NT5DC3: variants seen among roughly 807,000 people sequenced by gnomAD.
NT5DC3 encodes 5'-nucleotidase domain-containing protein 3.
Under a neutral mutation model 67.8 loss-of-function variants are expected in NT5DC3, and 42 were observed. The ratio of observed to expected loss-of-function variants is 0.62; its 90% CI spans 0.48 to 0.80. The LOEUF is 0.80. Among genes scored for constraint, NT5DC3 ranks in the 30% least tolerant of loss-of-function variants. The pLI is 0.00. For synonymous variants in NT5DC3, 237 were observed against 255.6 expected (o/e 0.93, Z 0.69); for missense variants, 570 against 696.4 (o/e 0.82, Z 2.04).
chr12:103,761,385 CTT>C, the NT5DC3 span: 1 of 1,613,778 alleles, frequency 6.2e-7, no homozygotes, highest in Non-Finnish European at 8.5e-7. Context: ...ATTTCCAGGC[CTT>C]TAAAAGCACC....
At chr12:103,762,267 T>C in the NT5DC3 span, 8 of 1,613,466 alleles carry the variant, frequency 5.0e-6, no homozygotes, top group Non-Finnish European at 8.5e-7. Context: ...CCTTTCTTTG[T>C]GTTCAGACCT....
At chr12:103,751,260 T>C in the NT5DC3 span, among the ~76,000 whole-genome samples, 2 of 152,124 alleles carry the variant, frequency 1.3e-5, no homozygotes, top group African/African-American at 4.8e-5. Context: ...TAGCAAGCCA[T>C]TTCTGCTGGC....
At position 103,773,436 on chromosome 12, in the gene NT5DC3, C is replaced by T. The variant is rs1280779163; in HGVS notation, c.*4393G>A. ...CTAGCAGTGTCAAAGGTTAGCTGAACTTTGAGCTAAGCTCCTAAATGACAC... is the reference window on the plus strand; with the variant it reads ...CTAGCAGTGTCAAAGGTTAGCTGAATTTTGAGCTAAGCTCCTAAATGACAC... On this transcript the variant is annotated 3_prime_UTR_variant, in exon 14 of 14. Transcript: ENST00000392876. The T allele has an allele frequency of 1.1e-4, 17 of 152,162 alleles. No homozygotes were observed. The highest frequency in any genetic ancestry group is 3.3e-4 in the Admixed American group (5 of 15,286). 9.4% of individuals were successfully genotyped at this position (152,162 alleles called of 1,614,324 possible). A position where few individuals can be genotyped will look rare whatever the true frequency, so the allele number is the denominator to read the frequency against.
At chr12:103,750,621 G>T in the NT5DC3 span, 2 of 1,614,218 alleles carry the variant, frequency 1.2e-6, no homozygotes, top group Non-Finnish European at 1.7e-6. Context: ...TGTCGGAGAT[G>T]GGCTGAACTG....
chr12:103,798,234 C>T (rs1476622070), intron 5 of NT5DC3, among the ~76,000 whole-genome samples: 2 of 152,116 alleles, frequency 1.3e-5, no homozygotes, highest in African/African-American at 4.8e-5. Flanking sequence ...GGCTGTGTAG[C>T]CATCAACTCT....
At chr12:103,756,103 C>T in the NT5DC3 span, among the ~76,000 whole-genome samples, 166 of 152,314 alleles carry the variant, frequency 1.1e-3, 1 homozygote, top group Middle Eastern at 3.4e-3. Flanking sequence ...ATGGTCTACA[C>T]AAATGAGACA....
chr12:103,749,696 C>T, the NT5DC3 span, among the ~76,000 whole-genome samples: 1 of 150,906 alleles, frequency 6.6e-6, no homozygotes, highest in Non-Finnish European at 1.5e-5. Flanking sequence ...AAAAATTAGC[C>T]GGGCATGGTG....
the NT5DC3 span, chr12:103,755,791 G>A: frequency 7.0e-7 from 1 of 1,424,736 alleles, no homozygotes; most frequent in East Asian, 2.3e-5. Flanking sequence ...GAGGGGTGAG[G>A]CCTTAAGCTG....
intron 9 of NT5DC3, 58 bp downstream of exon 9, chr12:103,793,106 T>C: frequency 1.7e-6 from 2 of 1,174,604 alleles, no homozygotes; most frequent in Admixed American, 2.1e-5. Context: ...ACACACCATC[T>C]ATATATTCAC....
At chr12:103,755,308 T>C in the NT5DC3 span, 2 of 1,614,006 alleles carry the variant, frequency 1.2e-6, no homozygotes, top group Non-Finnish European at 1.7e-6. Flanking sequence ...GCAGGCCAAG[T>C]ACCACCTGTG....
chr12:103,835,019 C>T (rs919997626), intron 1 of NT5DC3, among the ~76,000 whole-genome samples: 12 of 152,304 alleles, frequency 7.9e-5, no homozygotes, highest in Non-Finnish European at 1.3e-4. Flanking sequence ...CATCCCTGAG[C>T]CCCTGGGCCT....
At chr12:103,787,719 A>T (rs1885856873) in intron 10 of NT5DC3, among the ~76,000 whole-genome samples, 192 bp from the exon 11 acceptor site, 1 of 152,242 alleles carries the variant, frequency 6.6e-6, no homozygotes, top group Non-Finnish European at 1.5e-5. Context: ...GATTTATATT[A>T]TATACACCTC....
At position 103,787,423 on chromosome 12, in the gene NT5DC3, G is replaced by GA; in HGVS notation, c.1188+17dup. On this transcript the variant is annotated intron_variant, in intron 11 of 13. Transcript: ENST00000392876. ...CTAACACATCTGTCCCCCAACAAAGGAAAAAAGGGCCCCTCACCGCCAGGT... is the reference window on the plus strand; with the variant it reads ...CTAACACATCTGTCCCCCAACAAAGGAAAAAAAGGGCCCCTCACCGCCAGGT... 3 of 1,434,078 alleles carry GA rather than the reference G, an allele frequency of 2.1e-6. No homozygotes were observed. The highest frequency in any genetic ancestry group is 1.5e-5 in the South Asian group (1 of 68,398). The allele number at this position is 1,434,078 out of a possible 1,614,324, so 88.8% of individuals were successfully genotyped here.
In NT5DC3 at chr12:103,777,807, AG is replaced by A. The variant is rs1378387788; in HGVS notation, c.*21del. 1 of 1,596,896 alleles carries A rather than the reference AG, an allele frequency of 6.3e-7. No individual in the cohort carries two copies. Among genetic ancestry groups the A allele is most frequent in the Non-Finnish European group, 8.5e-7 (1 of 1,172,270 alleles). Reference sequence around the variant, plus strand: ...TGCCTGCCCAATCAGGGGCAGTTACAGTTTCTAGTTTTTGCCCTTGGCTACT... The same window carrying A: ...TGCCTGCCCAATCAGGGGCAGTTACATTTCTAGTTTTTGCCCTTGGCTACT... On this transcript the variant is annotated 3_prime_UTR_variant, in exon 14 of 14. Transcript: ENST00000392876.
intron 4 of NT5DC3, among the ~76,000 whole-genome samples, chr12:103,803,860 C>T (rs914847269): frequency 1.2e-5 from 1 of 85,140 alleles, no homozygotes; most frequent in Non-Finnish European, 2.6e-5. Context: ...TTCATTACCA[C>T]CCCCCCCCCA....
chr12:103,840,407 T>TC (rs1427866318), intron 1 of NT5DC3, among the ~76,000 whole-genome samples: 1 of 148,560 alleles, frequency 6.7e-6, no homozygotes, highest in African/African-American at 2.5e-5. Context: ...TCTCATCTCA[T>TC]CTCATCTCAT....
intron 4 of NT5DC3, among the ~76,000 whole-genome samples, chr12:103,801,832 C>T (rs1307963473): frequency 4.6e-5 from 7 of 152,186 alleles, no homozygotes; most frequent in Admixed American, 2.0e-4. Flanking sequence ...GACTAAACCC[C>T]GTGATGTGAG....
chr12:103,836,895 G>A (rs910638431), intron 1 of NT5DC3, among the ~76,000 whole-genome samples: 1 of 152,102 alleles, frequency 6.6e-6, no homozygotes, highest in African/African-American at 2.4e-5. Context: ...TACTATTCCG[G>A]GGTCTGGAGG....
chr12:103,837,101 C>T (rs184118053), intron 1 of NT5DC3, among the ~76,000 whole-genome samples: 9 of 152,340 alleles, frequency 5.9e-5, no homozygotes, highest in Admixed American at 3.9e-4. Flanking sequence ...GGTTCCCAAA[C>T]TCGATTCTTG....
Sources: allele counts gnomAD v4.1 joint callset (sites outside exome capture counted in the v4.1 genomes callset), GRCh38; gene constraint gnomAD v4.1.1; transcripts MANE v1.5; gene names NCBI Gene and HGNC (gene_info 2026-07-23, HGNC 2026-07-21).